PTPRC: variants seen among roughly 807,000 people sequenced by gnomAD.
PTPRC encodes protein tyrosine phosphatase receptor type C, also known as receptor-type tyrosine-protein phosphatase C.
A neutral mutation model predicts 155.9 loss-of-function variants in PTPRC; 44 were observed. The ratio of observed to expected loss-of-function variants is 0.28; its 90% CI spans 0.22 to 0.36. The LOEUF is 0.36. Ranked by LOEUF, PTPRC falls within the 10% of genes least tolerant of loss-of-function variation. The pLI is 1.00. For missense variants in PTPRC, 1,401 were observed against 1,564.6 expected, an observed-to-expected ratio of 0.90 and a Z score of 1.76; for synonymous variants, 525 against 533.1, an observed-to-expected ratio of 0.98 and a Z score of 0.21.
chr1:198,719,209 C>A (rs1247556060), intron 14 of PTPRC, among the ~76,000 whole-genome samples: 1 of 151,810 alleles, frequency 6.6e-6, no homozygotes, highest in Non-Finnish European at 1.5e-5. Context: ...ATGACTGCTT[C>A]TTGAGAGGCT....
intron 2 of PTPRC, among the ~76,000 whole-genome samples, chr1:198,681,698 T>A (rs1665341259): frequency 2.0e-5 from 3 of 152,276 alleles, no homozygotes; most frequent in African/African-American, 7.2e-5. Context: ...TGACTTTTTA[T>A]GTTTTTAAAT....
intron 2 of PTPRC, chr1:198,679,989 G>A (rs994055992): frequency 6.5e-5 from 40 of 615,602 alleles, no homozygotes; most frequent in Admixed American, 4.3e-4. Context: ...GCGGCTGCCC[G>A]TCCACTTCCT....
At chr1:198,686,033 T>C (rs1182997075) in intron 2 of PTPRC, among the ~76,000 whole-genome samples, 2 of 152,036 alleles carry the variant, frequency 1.3e-5, no homozygotes, top group African/African-American at 2.4e-5. Context: ...TTCACTCAAA[T>C]TGATTCCTAG....
intron 11 of PTPRC, chr1:198,712,714 G>A: frequency 2.0e-6 from 1 of 510,096 alleles, no homozygotes; most frequent in Non-Finnish European, 3.5e-6. Context: ...GGGGTTCTTA[G>A]ATATCTTCAA....
chr1:198,733,020 A>G (rs1654464929), intron 20 of PTPRC, among the ~76,000 whole-genome samples: 1 of 151,828 alleles, frequency 6.6e-6, no homozygotes, highest in Non-Finnish European at 1.5e-5. Context: ...ATCACACTAA[A>G]TTTCAGCAGA....
intron 3 of PTPRC, among the ~76,000 whole-genome samples, chr1:198,693,790 T>C (rs560870843): frequency 3.9e-5 from 6 of 152,300 alleles, no homozygotes; most frequent in East Asian, 1.9e-4. Context: ...GAACTTAAGA[T>C]GTGTGCAAAG....
intron 26 of PTPRC, among the ~76,000 whole-genome samples, chr1:198,745,612 T>G (rs946964982): frequency 2.6e-5 from 4 of 151,770 alleles, no homozygotes. Flanking sequence ...CACCTGAAAT[T>G]TATGATTATA....
At chr1:198,708,375 CCT>C (rs1272224990) in intron 10 of PTPRC, 114 bp downstream of exon 10, 19 of 1,030,272 alleles carry the variant, frequency 1.8e-5, no homozygotes, top group East Asian at 7.9e-5. Flanking sequence ...TCTTGTTCTC[CCT>C]CTGTTTGTCT....
At chr1:198,669,908 A>G (rs1275797903) in intron 2 of PTPRC, among the ~76,000 whole-genome samples, 2 of 152,178 alleles carry the variant, frequency 1.3e-5, no homozygotes, top group African/African-American at 4.8e-5. Context: ...TGTGAAAGGA[A>G]ATGAATTTAT....
chr1:198,710,468 G>T (rs917550685), intron 11 of PTPRC, among the ~76,000 whole-genome samples: 1 of 152,144 alleles, frequency 6.6e-6, no homozygotes, highest in Non-Finnish European at 1.5e-5. Context: ...TTTTTATAAA[G>T]AAGCCATCTG....
chr1:198,722,371 C>A (rs1653933463), intron 14 of PTPRC, 45 bp from the exon 15 acceptor site: 1 of 995,046 alleles, frequency 1.0e-6, no homozygotes, highest in Non-Finnish European at 1.4e-6. Context: ...TATATAAATT[C>A]ACATTAGCAA....
chr1:198,698,092 G>C (rs1666290052), intron 4 of PTPRC, among the ~76,000 whole-genome samples: 1 of 152,156 alleles, frequency 6.6e-6, no homozygotes, highest in Non-Finnish European at 1.5e-5. Context: ...TTTATTGCCT[G>C]AGTAGTGTCA....
intron 5 of PTPRC, chr1:198,699,973 C>T (rs535574714): frequency 5.5e-6 from 3 of 542,206 alleles, no homozygotes; most frequent in East Asian, 3.3e-5. Flanking sequence ...TTATATATTT[C>T]AGGCAATTAC....
At chr1:198,644,849 G>A (rs1008091481) in intron 2 of PTPRC, among the ~76,000 whole-genome samples, 1 of 151,722 alleles carries the variant, frequency 6.6e-6, no homozygotes, top group African/African-American at 2.4e-5. Context: ...TAACTCTATA[G>A]TATTTAAAGA....
At position 198,680,087 on chromosome 1, in the gene PTPRC, G is replaced by A. The variant is rs1484575770; in HGVS notation, c.74-12260G>A. 10 of 430,372 alleles carry A rather than the reference G, an allele frequency of 2.3e-5. No individual in the cohort carries two copies. The East Asian group carries it at 3.6e-4, about 15-fold the overall frequency. The allele number at this position is 430,372 out of a possible 1,614,324, so 26.7% of individuals were successfully genotyped here. ...CGCAGCTGGGAGTGCCACTAGGCAA[G>A]GCGCAGGCGCAGCGGCGACTCGGCA... On this transcript the variant is annotated intron_variant, in intron 2 of 32. Transcript: ENST00000442510.
intron 2 of PTPRC, among the ~76,000 whole-genome samples, chr1:198,672,157 T>C (rs1421616844): frequency 1.3e-5 from 2 of 152,164 alleles, no homozygotes; most frequent in African/African-American, 2.4e-5. Flanking sequence ...ACCAATGAAA[T>C]GTGAAGGAGT....
At chr1:198,701,597 A>G (rs1281519444) in intron 5 of PTPRC, among the ~76,000 whole-genome samples, 1 of 152,240 alleles carries the variant, frequency 6.6e-6, no homozygotes, top group Non-Finnish European at 1.5e-5. Flanking sequence ...TGTAAAATAC[A>G]TTAGGTAATT....
intron 3 of PTPRC, 79 bp from the exon 4 acceptor site, chr1:198,696,633 G>A: frequency 1.7e-6 from 2 of 1,195,554 alleles, no homozygotes; most frequent in Admixed American, 3.4e-5. Context: ...TGGGGAGTTA[G>A]TATACTGGGA....
At chr1:198,661,444 A>T (rs1557976114) in intron 2 of PTPRC, among the ~76,000 whole-genome samples, 1 of 151,822 alleles carries the variant, frequency 6.6e-6, no homozygotes, top group East Asian at 1.9e-4. Context: ...AATCTTTTAA[A>T]TGTCTGTCTG....
Sources: allele counts gnomAD v4.1 joint callset (sites outside exome capture counted in the v4.1 genomes callset), GRCh38; gene constraint gnomAD v4.1.1; transcripts MANE v1.5; gene names NCBI Gene and HGNC (gene_info 2026-07-23, HGNC 2026-07-21).